The following GPC5 variants were observed in gnomAD, a reference collection of about 807,000 sequenced individuals.
The protein encoded by GPC5 is glypican 5, also known as glypican-5.
In GPC5, 47 loss-of-function variants were observed where a neutral mutation model predicts 53.9. The ratio of observed to expected loss-of-function variants is 0.87; its 90% confidence interval spans 0.69 to 1.11. The LOEUF (loss-of-function observed/expected upper bound fraction) is 1.11, where lower values mean the gene tolerates loss of function less well. GPC5 is among the 50% of genes most tolerant of loss of function. GPC5 has a pLI of 0.00. For synonymous variants in GPC5, 286 were observed against 263.3 expected, an observed-to-expected ratio of 1.09 and a Z score of -0.84; for missense variants, 748 against 713.1, an observed-to-expected ratio of 1.05 and a Z score of -0.56.
At chr13:92,368,620 G>A (rs1002559832) in intron 7 of GPC5, among the ~76,000 whole-genome samples, 26 of 107,430 alleles carry the variant, frequency 2.4e-4, no homozygotes, top group African/African-American at 9.0e-4. Context: ...CTGGGTGATA[G>A]AGCAAGACTG....
intron 7 of GPC5, among the ~76,000 whole-genome samples, chr13:92,372,182 T>C (rs781385666): frequency 6.6e-6 from 1 of 152,144 alleles, no homozygotes. Flanking sequence ...CCTCTGTACT[T>C]CTGACCCACC....
intron 5 of GPC5, among the ~76,000 whole-genome samples, chr13:91,855,762 T>C (rs1224910004): frequency 1.6e-4 from 24 of 151,642 alleles, no homozygotes; most frequent in Admixed American, 1.4e-3. Flanking sequence ...ATACCTTAAA[T>C]ATTATGCTTT....
chr13:92,715,424 G>A (rs1888295805), intron 7 of GPC5, among the ~76,000 whole-genome samples: 1 of 152,152 alleles, frequency 6.6e-6, no homozygotes, highest in East Asian at 1.9e-4. Context: ...AAGAAATAGT[G>A]AGCTGGAAGA....
intron 7 of GPC5, among the ~76,000 whole-genome samples, chr13:92,423,364 G>A (rs116190571): frequency 0.011 from 1,614 of 152,260 alleles, 32 homozygotes; most frequent in African/African-American, 0.037. Context: ...CAGTTTTTGA[G>A]TGTTTTAACT....
At chr13:91,649,187 G>A (rs1776818244) in intron 2 of GPC5, among the ~76,000 whole-genome samples, 1 of 152,074 alleles carries the variant, frequency 6.6e-6, no homozygotes, top group Non-Finnish European at 1.5e-5. Flanking sequence ...CAGCGCTGTG[G>A]AACTGTGAAT....
chr13:92,599,737 G>T (rs1156455487), intron 7 of GPC5, among the ~76,000 whole-genome samples: 2 of 152,120 alleles, frequency 1.3e-5, no homozygotes, highest in African/African-American at 4.8e-5. Context: ...GAAGTAATAA[G>T]TTATCCAAGG....
At chr13:91,884,534 G>A (rs1331246003) in intron 5 of GPC5, among the ~76,000 whole-genome samples, 1 of 152,148 alleles carries the variant, frequency 6.6e-6, no homozygotes, top group African/African-American at 2.4e-5. Flanking sequence ...CTTATAAGTG[G>A]GAGTCAAAGA....
At chr13:91,561,342 A>G (rs79911471) in intron 2 of GPC5, among the ~76,000 whole-genome samples, 1 of 152,150 alleles carries the variant, frequency 6.6e-6, no homozygotes, top group Admixed American at 6.6e-5. Flanking sequence ...CTCTACCCCA[A>G]TAGCAAACCA....
In GPC5 at chr13:91,818,068, G is replaced by T. The variant is rs924530063; in HGVS notation, c.1280+61648G>T. On this transcript the variant is annotated intron_variant, in intron 5 of 7. Coordinates refer to ENST00000377067, the MANE Select transcript of GPC5 (RefSeq NM_004466.6). ...AATAGTCTGATTACTGGAATAAATT[G>T]TTGGGATAAATTGTGCACTCTTTTC... Among the ~76,000 whole-genome samples, 4 of 152,262 alleles carry T rather than the reference G, an allele frequency of 2.6e-5. No individual in the cohort carries two copies. The Middle Eastern group carries it at 0.01, about 388-fold the overall frequency.
intron 7 of GPC5, among the ~76,000 whole-genome samples, chr13:92,468,775 C>T (rs1025888368): frequency 2.0e-5 from 3 of 152,116 alleles, no homozygotes; most frequent in Admixed American, 6.6e-5. Flanking sequence ...TGCACCCTTG[C>T]AATCATGCTC....
At chr13:91,878,219 T>A (rs984460816) in intron 5 of GPC5, among the ~76,000 whole-genome samples, 5 of 152,196 alleles carry the variant, frequency 3.3e-5, no homozygotes, top group African/African-American at 1.2e-4. Flanking sequence ...TTTCCACAGG[T>A]AATGTTCATA....
At chr13:91,873,872 A>G (rs1475293436) in intron 5 of GPC5, among the ~76,000 whole-genome samples, 2 of 152,026 alleles carry the variant, frequency 1.3e-5, no homozygotes, top group African/African-American at 4.8e-5. Flanking sequence ...GATGGAGATG[A>G]GGTTTCAACA....
intron 6 of GPC5, among the ~76,000 whole-genome samples, chr13:92,104,443 T>C (rs1246097296): frequency 6.6e-6 from 1 of 152,218 alleles, no homozygotes; most frequent in Non-Finnish European, 1.5e-5. Context: ...TTGAGAGGTC[T>C]TTTATCTTTC....
intron 7 of GPC5, among the ~76,000 whole-genome samples, chr13:92,437,161 G>A (rs1272004609): frequency 7.3e-6 from 1 of 136,370 alleles, no homozygotes; most frequent in East Asian, 3.1e-4. Flanking sequence ...AAGATGGCAA[G>A]TCAAAACAAG....
At chr13:91,414,382 C>T (rs1388597382) in intron 1 of GPC5, among the ~76,000 whole-genome samples, 1 of 152,230 alleles carries the variant, frequency 6.6e-6, no homozygotes, top group Non-Finnish European at 1.5e-5. Flanking sequence ...TCCAGCTATG[C>T]AGAACGGAGT....
intron 5 of GPC5, among the ~76,000 whole-genome samples, chr13:91,765,745 C>T (rs576844070): frequency 6.6e-6 from 1 of 152,100 alleles, no homozygotes; most frequent in Non-Finnish European, 1.5e-5. Context: ...GAGGATTCAA[C>T]AGTATTTAAT....
intron 7 of GPC5, among the ~76,000 whole-genome samples, chr13:92,677,129 A>G (rs1487715890): frequency 6.6e-6 from 1 of 152,206 alleles, no homozygotes; most frequent in Non-Finnish European, 1.5e-5. Flanking sequence ...TAACTTATTA[A>G]AATTTTGTTA....
At chr13:92,420,556 C>A (rs1348270835) in intron 7 of GPC5, among the ~76,000 whole-genome samples, 2 of 152,098 alleles carry the variant, frequency 1.3e-5, no homozygotes, top group Admixed American at 1.3e-4. Flanking sequence ...TATAGTCACC[C>A]TGTTGTGCTA....
At chr13:92,458,306 G>C (rs1285496690) in intron 7 of GPC5, among the ~76,000 whole-genome samples, 1 of 135,962 alleles carries the variant, frequency 7.4e-6, no homozygotes, top group South Asian at 2.5e-4. Context: ...CTTTTTTTGG[G>C]GGGGGCAGGG....
Sources: gnomAD v4.1 joint callset for allele counts (sites outside exome capture counted in the v4.1 genomes callset) on GRCh38, gnomAD v4.1.1 for gene constraint, MANE v1.5 for transcripts, NCBI Gene and HGNC (gene_info 2026-07-23, HGNC 2026-07-21) for gene names.